Variants in PPFIA2 observed in about 807,000 individuals in gnomAD.
The protein encoded by PPFIA2 is PPFI scaffold protein A2.
In PPFIA2, 46 loss-of-function variants were observed where a neutral mutation model predicts 175.5. The observed-to-expected ratio is 0.26, with a 90% CI of 0.21 to 0.34. PPFIA2 has a LOEUF of 0.34. Among genes scored for constraint, PPFIA2 ranks in the 10% least tolerant of loss-of-function variants. PPFIA2 has a pLI of 1.00. For synonymous variants in PPFIA2, 568 were observed against 511.4 expected, an observed-to-expected ratio of 1.11 and a Z score of -1.49; for missense variants, 1,179 against 1,506.1, an observed-to-expected ratio of 0.78 and a Z score of 3.60.
intron 4 of PPFIA2, among the ~76,000 whole-genome samples, chr12:81,510,830 C>T (rs1246203953): frequency 1.9e-4 from 29 of 152,026 alleles, no homozygotes. Context: ...TCATGACTAA[C>T]AAGCATAAAA....
At chr12:81,738,100 G>T (rs1308749766) in intron 3 of PPFIA2, among the ~76,000 whole-genome samples, 1 of 149,936 alleles carries the variant, frequency 6.7e-6, no homozygotes, top group Non-Finnish European at 1.5e-5. Flanking sequence ...ACTCTCTAAA[G>T]CAGCCAAAAA....
At chr12:81,505,151 C>T (rs184483709) in intron 4 of PPFIA2, among the ~76,000 whole-genome samples, 23 of 151,946 alleles carry the variant, frequency 1.5e-4, no homozygotes, top group African/African-American at 4.3e-4. Flanking sequence ...CAAGTTCCTC[C>T]GAATGATTTA....
chr12:81,672,029 A>G (rs1273485443), intron 4 of PPFIA2, among the ~76,000 whole-genome samples: 1 of 151,942 alleles, frequency 6.6e-6, no homozygotes, highest in Admixed American at 6.6e-5. Context: ...TTCTGAAATG[A>G]GTAACTGTGT....
intron 6 of PPFIA2, among the ~76,000 whole-genome samples, chr12:81,444,134 G>A (rs2050789018): frequency 1.3e-5 from 2 of 151,994 alleles, no homozygotes; most frequent in South Asian, 2.1e-4. Flanking sequence ...GATTACAGGC[G>A]TGAGCCACCG....
At chr12:81,400,287 TG>T (rs1441014985) in intron 8 of PPFIA2, among the ~76,000 whole-genome samples, 2 of 152,140 alleles carry the variant, frequency 1.3e-5, no homozygotes, top group Admixed American at 6.6e-5. Flanking sequence ...TATGTTGGCT[TG>T]TTCTAAGTAC....
intron 4 of PPFIA2, among the ~76,000 whole-genome samples, chr12:81,459,407 C>A (rs992601494): frequency 6.6e-6 from 1 of 152,008 alleles, no homozygotes; most frequent in Non-Finnish European, 1.5e-5. Flanking sequence ...AAATCTTATA[C>A]TTATGTATAT....
intron 7 of PPFIA2, among the ~76,000 whole-genome samples, chr12:81,419,236 T>C (rs895696181): frequency 2.6e-5 from 4 of 152,016 alleles, no homozygotes; most frequent in African/African-American, 7.2e-5. Flanking sequence ...TTACTAACAC[T>C]GAAATTAAAC....
chr12:81,276,027 G>A (rs890604212), intron 28 of PPFIA2, among the ~76,000 whole-genome samples: 4 of 151,910 alleles, frequency 2.6e-5, no homozygotes, highest in Admixed American at 6.6e-5. Flanking sequence ...CTCGTGATCC[G>A]CCCGCCTCGG....
At chr12:81,401,985 C>A (rs894629738) in intron 8 of PPFIA2, among the ~76,000 whole-genome samples, 1 of 151,700 alleles carries the variant, frequency 6.6e-6, no homozygotes, top group Non-Finnish European at 1.5e-5. Context: ...ATAATAATTA[C>A]CAGAGTTTTC....
chr12:81,328,698 G>A (rs1007740487), intron 21 of PPFIA2, among the ~76,000 whole-genome samples: 3 of 151,970 alleles, frequency 2.0e-5, no homozygotes, highest in Admixed American at 2.0e-4. Flanking sequence ...GTTGAGGGAG[G>A]GTGCATTTTT....
chr12:81,480,062 G>A (rs770183285), intron 4 of PPFIA2, among the ~76,000 whole-genome samples: 5 of 151,976 alleles, frequency 3.3e-5, no homozygotes, highest in Admixed American at 6.6e-5. Flanking sequence ...CGTAGGTTTG[G>A]TCTTTTCACA....
At chr12:81,263,846 A>T in intron 30 of PPFIA2, among the ~76,000 whole-genome samples, 1 of 152,212 alleles carries the variant, frequency 6.6e-6, no homozygotes, top group South Asian at 2.1e-4. Flanking sequence ...ATTTTGGGGA[A>T]ATCTATATTT....
chr12:81,355,314 T>C (rs1052404479), intron 16 of PPFIA2, among the ~76,000 whole-genome samples: 1 of 152,192 alleles, frequency 6.6e-6, no homozygotes, highest in African/African-American at 2.4e-5. Context: ...CAGTAAACCA[T>C]GCTGTAAACA....
chr12:81,740,819 A>G (rs1230159590), intron 3 of PPFIA2, among the ~76,000 whole-genome samples: 4 of 152,142 alleles, frequency 2.6e-5, no homozygotes, highest in Non-Finnish European at 4.4e-5. Flanking sequence ...CAGAATAACA[A>G]TAAGAGCAGG....
intron 4 of PPFIA2, among the ~76,000 whole-genome samples, chr12:81,491,206 TTTTTTTG>T (rs140037648): frequency 0.35 from 47,845 of 135,624 alleles, 8,405 homozygotes; most frequent in African/African-American, 0.5. Flanking sequence ...CTGGAATTAC[TTTTTTTG>T]TTTTTTTGCT....
At chr12:81,685,351 A>T (rs2153580751) in intron 3 of PPFIA2, among the ~76,000 whole-genome samples, 1 of 152,144 alleles carries the variant, frequency 6.6e-6, no homozygotes, top group Admixed American at 6.6e-5. Context: ...AATAAGCAGG[A>T]AACATACAGA....
chr12:81,363,970 C>A (rs914134922), intron 14 of PPFIA2, among the ~76,000 whole-genome samples: 1 of 151,730 alleles, frequency 6.6e-6, no homozygotes, highest in African/African-American at 2.4e-5. Context: ...TGCCCTCATG[C>A]AATTTAGAAT....
chr12:81,341,425 A>G (rs74415367), intron 19 of PPFIA2, among the ~76,000 whole-genome samples: 4,585 of 140,560 alleles, frequency 0.033, 212 homozygotes, highest in African/African-American at 0.11. Context: ...AAAAAAAATC[A>G]TAGACCCACT....
chr12:81,634,569 T>G (rs1201149535), intron 4 of PPFIA2, among the ~76,000 whole-genome samples: 2 of 152,146 alleles, frequency 1.3e-5, no homozygotes, highest in East Asian at 3.9e-4. Context: ...AATCAGTTCA[T>G]CACACCAGAG....
Sources: gnomAD v4.1 joint callset for allele counts (sites outside exome capture counted in the v4.1 genomes callset) on GRCh38, gnomAD v4.1.1 for gene constraint, MANE v1.5 for transcripts, NCBI Gene and HGNC (gene_info 2026-07-23, HGNC 2026-07-21) for gene names.